SLC7A2: variants seen among roughly 807,000 people sequenced by gnomAD.
The protein encoded by SLC7A2 is cationic amino acid transporter 2.
A neutral mutation model predicts 58.9 loss-of-function variants in SLC7A2; 48 were observed. The observed-to-expected ratio is 0.82, with a 90% CI of 0.65 to 1.04. The LOEUF (loss-of-function observed/expected upper bound fraction) is 1.04. Among genes scored for constraint, SLC7A2 ranks in the 50% least tolerant of loss-of-function variants. The pLI is 0.00. For synonymous variants in SLC7A2, 363 were observed against 314.5 expected (o/e 1.15, Z -1.63); for missense variants, 1,029 against 818.8 (o/e 1.26, Z -3.13).
chr8:17,524,701 T>C (rs775506419), intron 2 of SLC7A2, among the ~76,000 whole-genome samples: 20 of 152,072 alleles, frequency 1.3e-4, no homozygotes, highest in Non-Finnish European at 2.6e-4. Flanking sequence ...ACACACTGGG[T>C]ACAGGGTACA....
Position 17,563,657 on chromosome 8 carries a change from A to C in SLC7A2, c.1726A>C (p.Met576Leu). ...AFSILVNIYL[M>L]VQLSADTWVR... is the part of the protein sequence containing the mutation. ...CAGCATCTTGGTGAACATTTACTTG[A>C]TGGTCCAGTTAAGTGCAGACACTTG... Residue 576 changes from methionine to leucine, a missense_variant, in exon 12 of 13, where the codon ATG becomes CTG. Met to Leu is a conservative substitution (Grantham distance 15, BLOSUM62 2). Transcript: ENST00000494857. 2 of 1,613,634 alleles carry C rather than the reference A, an allele frequency of 1.2e-6. No individual in the cohort carries two copies. The highest frequency in any genetic ancestry group is 1.1e-5 in the South Asian group (1 of 91,016).
intron 1 of SLC7A2, 146 bp from the exon 2 acceptor site, chr8:17,502,111 A>G (rs1480234439): frequency 6.6e-6 from 1 of 151,466 alleles, no homozygotes; most frequent in African/African-American, 2.4e-5. Flanking sequence ...ATAATTATAT[A>G]TATACGTATA....
At position 17,568,097 on chromosome 8, in the gene SLC7A2, C is replaced by G. The variant is rs904456978; in HGVS notation, c.*2951C>G. On this transcript the variant is annotated 3_prime_UTR_variant, in exon 13 of 13. Transcript: ENST00000494857. Reference sequence around the variant, plus strand: ...GTAATCAATCAAAATTATATAAAGTCTTCTCCAGTAATTAAGAAATACATA... The same window carrying G: ...GTAATCAATCAAAATTATATAAAGTGTTCTCCAGTAATTAAGAAATACATA... 1.3e-5 allele frequency: 2 copies of G among 152,042 alleles called. No individual in the cohort carries two copies. The highest frequency in any genetic ancestry group is 3.9e-4 in the East Asian group (2 of 5,186). The allele number at this position is 152,042 out of a possible 1,614,324, so 9.4% of individuals were successfully genotyped here.
At chr8:17,511,909 G>A (rs1252771214) in intron 2 of SLC7A2, among the ~76,000 whole-genome samples, 4 of 152,066 alleles carry the variant, frequency 2.6e-5, no homozygotes, top group Non-Finnish European at 5.9e-5. Context: ...TGACACTATG[G>A]AACTATGTTG....
intron 1 of SLC7A2, among the ~76,000 whole-genome samples, chr8:17,501,463 C>T (rs920350136): frequency 6.6e-6 from 1 of 152,086 alleles, no homozygotes; most frequent in Non-Finnish European, 1.5e-5. Context: ...ATGTGGGTCA[C>T]GTCTCTTATT....
At chr8:17,499,660 A>C (rs1016810486) in intron 1 of SLC7A2, among the ~76,000 whole-genome samples, 2 of 151,800 alleles carry the variant, frequency 1.3e-5, no homozygotes, top group Non-Finnish European at 2.9e-5. Flanking sequence ...TCACATATTT[A>C]GTTTTGGGTG....
At chr8:17,522,678 C>A (rs1369089347) in intron 2 of SLC7A2, among the ~76,000 whole-genome samples, 1 of 152,056 alleles carries the variant, frequency 6.6e-6, no homozygotes, top group Non-Finnish European at 1.5e-5. Flanking sequence ...ATACTAGGGT[C>A]AAATTCTAGC....
intron 11 of SLC7A2, among the ~76,000 whole-genome samples, chr8:17,563,164 T>A (rs913924992): frequency 2.0e-5 from 3 of 151,984 alleles, no homozygotes; most frequent in African/African-American, 2.4e-5. Flanking sequence ...TAAAACTAAA[T>A]TGAACATTAA....
intron 2 of SLC7A2, among the ~76,000 whole-genome samples, chr8:17,536,441 G>C (rs187576384): frequency 8.5e-5 from 13 of 152,200 alleles, no homozygotes; most frequent in Admixed American, 8.5e-4. Context: ...GTGGTGGCGG[G>C]TGCCTGTAAC....
intron 2 of SLC7A2, among the ~76,000 whole-genome samples, chr8:17,529,963 G>A (rs1015596159): frequency 2.0e-5 from 3 of 152,124 alleles, no homozygotes; most frequent in East Asian, 1.9e-4. Context: ...CAAAAACTAC[G>A]ATTACTTTTG....
Position 17,560,355 on chromosome 8 carries a change from G to T in SLC7A2, c.1326G>T (p.Gln442His). Residue 442 changes from glutamine (Q) to histidine (H), a missense_variant, in exon 10 of 13, where the codon CAG becomes CAT. Gln to His is a conservative substitution (Grantham distance 24). Coordinates refer to ENST00000494857, the MANE Select transcript of SLC7A2 (RefSeq NM_001370338.1). ...ACCAGCCTGGCTTATCTTACGACCA[G>T]CCCAAATGTTCTCCTGAGAAAGATG... ...LRYQPGLSYD[Q>H]PKCSPEKDGL... The T allele has an allele frequency of 1.9e-6, 3 of 1,614,066 alleles. No individual in the cohort carries two copies. The highest frequency in any genetic ancestry group is 2.5e-6 in the Non-Finnish European group (3 of 1,179,960).
At chr8:17,540,699 C>T (rs756060586) in intron 2 of SLC7A2, among the ~76,000 whole-genome samples, 1 of 151,994 alleles carries the variant, frequency 6.6e-6, no homozygotes, top group Non-Finnish European at 1.5e-5. Context: ...ACTGTTTTAA[C>T]GTTTTCACAG....
At chr8:17,527,287 G>C (rs1392477102) in intron 2 of SLC7A2, among the ~76,000 whole-genome samples, 1 of 151,962 alleles carries the variant, frequency 6.6e-6, no homozygotes, top group Non-Finnish European at 1.5e-5. Context: ...AAGACATGAG[G>C]GTTTTAGCCG....
At chr8:17,522,475 T>C (rs538600074) in intron 2 of SLC7A2, among the ~76,000 whole-genome samples, 1 of 152,168 alleles carries the variant, frequency 6.6e-6, no homozygotes, top group Non-Finnish European at 1.5e-5. Context: ...GAGTAGATTG[T>C]GCGCTTGTTT....
chr8:17,514,260 A>G (rs1800714539), intron 2 of SLC7A2, among the ~76,000 whole-genome samples: 1 of 152,068 alleles, frequency 6.6e-6, no homozygotes, highest in Non-Finnish European at 1.5e-5. Context: ...AAGAGGAATC[A>G]ATTAAAAAAA....
chr8:17,540,392 G>C (rs1332624660), intron 2 of SLC7A2, among the ~76,000 whole-genome samples: 1 of 152,024 alleles, frequency 6.6e-6, no homozygotes, highest in Non-Finnish European at 1.5e-5. Context: ...TTGACAAATG[G>C]GATCTTTGTC....
intron 3 of SLC7A2, among the ~76,000 whole-genome samples, chr8:17,544,108 G>T (rs532818363): frequency 2.0e-5 from 3 of 152,298 alleles, no homozygotes; most frequent in Non-Finnish European, 4.4e-5. Context: ...GACCTCAGGT[G>T]ATCCACTCAC....
At chr8:17,500,129 T>A (rs907941337) in intron 1 of SLC7A2, 60 of 152,234 alleles carry the variant, frequency 3.9e-4, no homozygotes, top group African/African-American at 1.4e-3. Context: ...GGGAACTCCA[T>A]TGATGGATTT....
rs368487456 is a variant in SLC7A2 at position 17,551,722 on chromosome 8, T to A, written c.833-42T>A. 2.9e-5 allele frequency: 40 copies of A among 1,374,580 alleles called. No homozygotes were observed. The African/African-American group carries it at 5.7e-4, about 20-fold the overall frequency. The allele number at this position is 1,374,580 out of a possible 1,614,324, so 85.1% of individuals were successfully genotyped here. On this transcript the variant is annotated intron_variant, in intron 6 of 12. Transcript: ENST00000494857. ...ACAATTTAATTTCTTTACCTGTTGATGTTTTATTAAGCATACACATCTTTT... is the reference window on the plus strand; with the variant it reads ...ACAATTTAATTTCTTTACCTGTTGAAGTTTTATTAAGCATACACATCTTTT...
Sources: allele counts gnomAD v4.1 joint callset (sites outside exome capture counted in the v4.1 genomes callset), GRCh38; gene constraint gnomAD v4.1.1; transcripts MANE v1.5; gene names NCBI Gene and HGNC (gene_info 2026-07-23, HGNC 2026-07-21).